Variants in THADA observed in about 807,000 individuals in gnomAD.
THADA encodes the protein tRNA (32-2'-O)-methyltransferase regulator THADA.
Under a neutral mutation model 219.8 loss-of-function variants are expected in THADA, and 213 were observed. The observed-to-expected ratio is 0.97, with a 90% CI of 0.87 to 1.09. The LOEUF (loss-of-function observed/expected upper bound fraction) is 1.09. Ranked by LOEUF, THADA falls within the 50% of genes least tolerant of loss-of-function variation. The pLI is 0.00. For missense variants in THADA, 2,956 were observed against 2,311.3 expected, an observed-to-expected ratio of 1.28 and a Z score of -5.72; for synonymous variants, 1,018 against 828.9, an observed-to-expected ratio of 1.23 and a Z score of -3.92.
At chr2:43,558,395 TGATTG>T (rs1187217683) in intron 16 of THADA, among the ~76,000 whole-genome samples, 1 of 152,168 alleles carries the variant, frequency 6.6e-6, no homozygotes, top group Non-Finnish European at 1.5e-5. Flanking sequence ...AGTGTCAGCT[TGATTG>T]GATTGAAGGA....
chr2:43,277,028 G>A (rs1259257964), intron 36 of THADA, among the ~76,000 whole-genome samples: 1 of 152,212 alleles, frequency 6.6e-6, no homozygotes, highest in Non-Finnish European at 1.5e-5. Flanking sequence ...CAACCCCACT[G>A]AGAGCAGCTG....
chr2:43,575,809 T>A (rs1321295617), intron 10 of THADA, among the ~76,000 whole-genome samples: 2 of 152,170 alleles, frequency 1.3e-5, no homozygotes, highest in African/African-American at 4.8e-5. Context: ...AGCCTGGGAT[T>A]ACAGGCTTGA....
chr2:43,245,727 A>G (rs1669074816), intron 36 of THADA, among the ~76,000 whole-genome samples: 2 of 152,244 alleles, frequency 1.3e-5, no homozygotes, highest in South Asian at 4.1e-4. Flanking sequence ...CAGTCAAGGT[A>G]CTGTAAACAC....
chr2:43,273,503 C>A (rs555626051), intron 36 of THADA, among the ~76,000 whole-genome samples: 7 of 152,264 alleles, frequency 4.6e-5, no homozygotes, highest in African/African-American at 1.7e-4. Context: ...AGGCGATATA[C>A]CTGAGTCGAT....
At chr2:43,307,975 G>A (rs1677052372) in intron 31 of THADA, among the ~76,000 whole-genome samples, 1 of 152,172 alleles carries the variant, frequency 6.6e-6, no homozygotes, top group African/African-American at 2.4e-5. Flanking sequence ...GATAAAGGGA[G>A]ATATAGAAGA....
At chr2:43,491,668 G>C (rs1376770469) in intron 25 of THADA, among the ~76,000 whole-genome samples, 2 of 152,138 alleles carry the variant, frequency 1.3e-5, no homozygotes, top group Non-Finnish European at 2.9e-5. Flanking sequence ...GGAATAATAA[G>C]CTATATCATA....
chr2:43,425,916 T>C (rs1678369445), intron 28 of THADA, among the ~76,000 whole-genome samples: 1 of 152,186 alleles, frequency 6.6e-6, no homozygotes, highest in South Asian at 2.1e-4. Flanking sequence ...GCTCTTTCTG[T>C]TACACCAAAA....
chr2:43,499,247 C>T (rs1688633010), intron 24 of THADA, among the ~76,000 whole-genome samples: 1 of 152,162 alleles, frequency 6.6e-6, no homozygotes, highest in African/African-American at 2.4e-5. Context: ...ACACATGAAA[C>T]ATTTATTTTC....
In THADA at chr2:43,428,230, C is replaced by T; in HGVS notation, c.3928G>A (p.Asp1310Asn). The change falls in exon 28 of 38, where the codon GAT becomes AAT. Residue 1310 changes from aspartate (D) to asparagine (N), a missense_variant and splice_region_variant. Transcript: ENST00000405975. The part of the protein sequence containing the change: ...LETVANTVDS[D>N]MGEPNRHPSM... ...GGATGACGATTTGGTTCTCCCATAT[C>T]ACTGAAACAACAATTATTACACATG... The T allele has an allele frequency of 6.3e-7, 1 of 1,593,690 alleles. No individual in the cohort carries two copies. Among genetic ancestry groups the T allele is most frequent in the Admixed American group, 1.7e-5 (1 of 58,018 alleles).
chr2:43,591,113 G>A (rs1378917760), intron 3 of THADA, among the ~76,000 whole-genome samples, 159 bp from the exon 4 acceptor site: 2 of 152,118 alleles, frequency 1.3e-5, no homozygotes, highest in African/African-American at 2.4e-5. Context: ...TTGAGCCCAG[G>A]AGAGTTCGAG....
chr2:43,331,604 C>T (rs6756736), intron 30 of THADA, among the ~76,000 whole-genome samples: 39,562 of 151,972 alleles, frequency 0.26, 5,763 homozygotes, highest in African/African-American at 0.39. Flanking sequence ...GCAGCTTTCC[C>T]TCAGCTTGAT....
rs534078700 is a variant in THADA at position 43,454,427 on chromosome 2, C to T, written c.3837-24125G>A. On this transcript the variant is annotated intron_variant, in intron 26 of 37. Transcript: ENST00000405975. ...ACCAGCCTGGGCAACATGGTGAAAA[C>T]CCATCTCTACAAAAAAATACAAAAA... Among the ~76,000 whole-genome samples, 3 of 152,096 alleles carry T rather than the reference C, an allele frequency of 2.0e-5. No individual in the cohort carries two copies. In the East Asian group the frequency reaches 5.8e-4, roughly 29 times the overall value.
chr2:43,567,650 A>G (rs1698840419), intron 14 of THADA, among the ~76,000 whole-genome samples: 1 of 152,188 alleles, frequency 6.6e-6, no homozygotes, highest in African/African-American at 2.4e-5. Context: ...TCATCCACTA[A>G]GAAGTATCAT....
rs973172634 is a variant in THADA, at chr2:43,594,380, G to C, written c.-25+1551C>G. Among the ~76,000 whole-genome samples the C allele has an allele frequency of 2.6e-5, 4 of 152,040 alleles. No homozygotes were observed. The South Asian group carries it at 8.3e-4, about 32-fold the overall frequency. On this transcript the variant is annotated intron_variant, in intron 1 of 37. Transcript: ENST00000405975. ...GGATCTCCTGAAGTCAGGAGTTCAA[G>C]ACCAGCCTGGCCAACATGGTGAAAC...
At chr2:43,540,543 G>A (rs1695161354) in intron 21 of THADA, among the ~76,000 whole-genome samples, 1 of 152,126 alleles carries the variant, frequency 6.6e-6, no homozygotes, top group Non-Finnish European at 1.5e-5. Context: ...GTGGGAAATG[G>A]ATTTGTCAAA....
chr2:43,281,238 G>C (rs1673320204), intron 35 of THADA, among the ~76,000 whole-genome samples: 1 of 152,112 alleles, frequency 6.6e-6, no homozygotes, highest in African/African-American at 2.4e-5. Context: ...TTTCATTACA[G>C]ATCTGATTTA....
intron 22 of THADA, among the ~76,000 whole-genome samples, chr2:43,518,222 AT>A (rs1318576010): frequency 6.6e-6 from 1 of 152,188 alleles, no homozygotes; most frequent in Non-Finnish European, 1.5e-5. Flanking sequence ...ATGACATATA[AT>A]TTACTAACTT....
At chr2:43,319,875 G>C (rs1038095683) in intron 31 of THADA, among the ~76,000 whole-genome samples, 2 of 152,088 alleles carry the variant, frequency 1.3e-5, no homozygotes, top group Admixed American at 1.3e-4. Context: ...TTTATTTGGA[G>C]TTGCCATTTT....
At chr2:43,581,456 G>T (rs1228994176) in intron 8 of THADA, among the ~76,000 whole-genome samples, 1 of 151,132 alleles carries the variant, frequency 6.6e-6, no homozygotes, top group Non-Finnish European at 1.5e-5. Context: ...CTTGAACCTG[G>T]GATGTGAAAC....
Sources: allele counts gnomAD v4.1 joint callset (sites outside exome capture counted in the v4.1 genomes callset), GRCh38; gene constraint gnomAD v4.1.1; transcripts MANE v1.5; gene names NCBI Gene and HGNC (gene_info 2026-07-23, HGNC 2026-07-21).